Variants in TTC27 observed in about 807,000 individuals in gnomAD.
The protein encoded by TTC27 is tetratricopeptide repeat protein 27.
Under a neutral mutation model 115.9 loss-of-function variants are expected in TTC27, and 79 were observed. The observed-to-expected ratio is 0.68, with a 90% CI of 0.57 to 0.82. TTC27 has a LOEUF of 0.82. Among genes scored for constraint, TTC27 ranks in the 40% least tolerant of loss-of-function variants. TTC27 has a pLI of 0.00. For missense variants in TTC27, 1,054 were observed against 993.1 expected (o/e 1.06, Z -0.82); for synonymous variants, 401 against 356.0 (o/e 1.13, Z -1.42).
At chr2:32,738,150 C>T (rs1572563942) in intron 12 of TTC27, among the ~76,000 whole-genome samples, 1 of 152,164 alleles carries the variant, frequency 6.6e-6, no homozygotes, top group East Asian at 1.9e-4. Context: ...TGGTTATTGA[C>T]TCTTTACTTG....
intron 10 of TTC27, among the ~76,000 whole-genome samples, chr2:32,708,040 C>G (rs1667437820): frequency 1.3e-5 from 2 of 151,942 alleles, no homozygotes; most frequent in Non-Finnish European, 2.9e-5. Flanking sequence ...AAAGCTAGAA[C>G]AATTTGAGCA....
chr2:32,778,013 C>G, intron 14 of TTC27, 33 bp downstream of exon 14: 1 of 1,593,814 alleles, frequency 6.3e-7, no homozygotes, highest in Non-Finnish European at 8.6e-7. Flanking sequence ...CCTTACGTGG[C>G]TCTTTACTCT....
At chr2:32,758,577 A>G (rs918482006) in intron 13 of TTC27, 58 bp downstream of exon 13, 3 of 1,502,140 alleles carry the variant, frequency 2.0e-6, no homozygotes, top group Non-Finnish European at 2.8e-6. Flanking sequence ...TTTGGATTTG[A>G]TCTTACAGAA....
intron 4 of TTC27, among the ~76,000 whole-genome samples, chr2:32,642,247 A>ATTTTTT (rs10634857): frequency 2.3e-4 from 24 of 102,140 alleles, no homozygotes; most frequent in Non-Finnish European, 3.3e-4. Context: ...TATACACTAA[A>ATTTTTT]TTTTTTTTTT....
At chr2:32,817,255 A>C (rs911518163) in intron 18 of TTC27, among the ~76,000 whole-genome samples, 8 of 152,032 alleles carry the variant, frequency 5.3e-5, no homozygotes, top group Non-Finnish European at 1.2e-4. Context: ...CTTAAAAAAA[A>C]AAAAGAAGAA....
At chr2:32,697,465 T>TAG (rs1473348585) in intron 9 of TTC27, among the ~76,000 whole-genome samples, 1 of 152,222 alleles carries the variant, frequency 6.6e-6, no homozygotes, top group Non-Finnish European at 1.5e-5. Context: ...TTCTTACACT[T>TAG]TTACTGAACA....
intron 3 of TTC27, among the ~76,000 whole-genome samples, chr2:32,634,299 GA>G (rs1464560222): frequency 3.3e-5 from 5 of 151,638 alleles, no homozygotes; most frequent in Admixed American, 6.6e-5. Flanking sequence ...GTTACATAAA[GA>G]TTTTTTTTTT....
chr2:32,803,094 C>T lies in TTC27; in HGVS notation c.1999-7930C>T, dbSNP rs116649319. ...TGGTGAGGCTGGGCCACAGGGGGAG[C>T]TCACCCATTGGATACACTTTGCCAC... On this transcript the variant is annotated intron_variant, in intron 16 of 19. Transcript: ENST00000317907. 2.6e-3 allele frequency among the ~76,000 whole-genome samples: 396 copies of T among 152,322 alleles called. 1 individual carries two copies. Among genetic ancestry groups the T allele is most frequent in the African/African-American group, 9.0e-3 (375 of 41,574 alleles).
intron 10 of TTC27, among the ~76,000 whole-genome samples, chr2:32,703,323 C>T (rs999933574): frequency 6.6e-6 from 1 of 152,096 alleles, no homozygotes; most frequent in Non-Finnish European, 1.5e-5. Flanking sequence ...AAAAATTAGC[C>T]AGGCGTGGTG....
chr2:32,663,060 C>T (rs2151878251), intron 5 of TTC27, among the ~76,000 whole-genome samples: 1 of 152,308 alleles, frequency 6.6e-6, no homozygotes, highest in South Asian at 2.1e-4. Context: ...GTTGACCAGA[C>T]TGCTGTGCTG....
intron 16 of TTC27, among the ~76,000 whole-genome samples, chr2:32,805,982 A>G (rs1364467406): frequency 1.3e-5 from 2 of 152,148 alleles, no homozygotes; most frequent in East Asian, 3.9e-4. Context: ...TTAGGTAGAT[A>G]ATATCTCCAG....
intron 14 of TTC27, among the ~76,000 whole-genome samples, 199 bp downstream of exon 14, chr2:32,778,179 G>A (rs1003881987): frequency 1.4e-4 from 21 of 152,084 alleles, no homozygotes; most frequent in African/African-American, 4.8e-4. Flanking sequence ...AAATAATTTT[G>A]ATAAAACAAT....
intron 3 of TTC27, 26 bp from the exon 4 acceptor site, chr2:32,640,244 A>G: frequency 1.9e-6 from 3 of 1,597,738 alleles, no homozygotes; most frequent in African/African-American, 1.3e-5. Flanking sequence ...AAATTATATC[A>G]TCTTAGTTTA....
chr2:32,738,418 C>A (rs1418542358), intron 12 of TTC27, among the ~76,000 whole-genome samples: 1 of 152,144 alleles, frequency 6.6e-6, no homozygotes, highest in Non-Finnish European at 1.5e-5. Flanking sequence ...TGCTGTGATT[C>A]TACGAGATGT....
rs575067181 is a variant in TTC27 at position 32,628,130 on chromosome 2, T to A, written c.-163T>A. The A allele has an allele frequency of 7.7e-6, 5 of 647,598 alleles. No individual in the cohort carries two copies. The highest frequency in any genetic ancestry group is 1.3e-5 in the Non-Finnish European group (5 of 374,636). The allele number at this position is 647,598 out of a possible 1,614,324, so 40.1% of individuals were successfully genotyped here. A position where few individuals can be genotyped will look rare whatever the true frequency, so the allele number is the denominator to read the frequency against. On this transcript the variant is annotated 5_prime_UTR_variant, in exon 1 of 20. An upstream open reading frame in the 5' UTR gains an earlier in-frame stop. Transcript: ENST00000317907. ...CGCGCTGCTGTTATGGCCGCCTCCT[T>A]GAGGTAGTATCCGCACATGGAATTC...
chr2:32,651,191 G>A (rs1192955441), intron 5 of TTC27, among the ~76,000 whole-genome samples: 1 of 152,202 alleles, frequency 6.6e-6, no homozygotes, highest in Non-Finnish European at 1.5e-5. Context: ...GTATGTGTGT[G>A]TCCAAGGGAC....
chr2:32,646,129 C>T (rs930589263), intron 4 of TTC27, among the ~76,000 whole-genome samples: 3 of 150,404 alleles, frequency 2.0e-5, no homozygotes, highest in African/African-American at 7.3e-5. Context: ...CCTGGGTTCA[C>T]GCGATTCTCC....
chr2:32,815,951 T>A (rs115142312), intron 18 of TTC27, among the ~76,000 whole-genome samples: 1 of 152,188 alleles, frequency 6.6e-6, no homozygotes, highest in African/African-American at 2.4e-5. Flanking sequence ...TTGGAAGATA[T>A]TAATTAATGA....
chr2:32,665,470 A>G (rs1572492457), intron 6 of TTC27, among the ~76,000 whole-genome samples: 1 of 152,198 alleles, frequency 6.6e-6, no homozygotes, highest in South Asian at 2.1e-4. Context: ...AATTGTTGGT[A>G]TATTTACTAG....
Sources: allele counts gnomAD v4.1 joint callset (sites outside exome capture counted in the v4.1 genomes callset), GRCh38; gene constraint gnomAD v4.1.1; transcripts MANE v1.5; gene names NCBI Gene and HGNC (gene_info 2026-07-23, HGNC 2026-07-21).